SHISA5: variants seen among roughly 807,000 people sequenced by gnomAD.
SHISA5 encodes the protein protein shisa-5.
Under a neutral mutation model 27.5 loss-of-function variants are expected in SHISA5, and 21 were observed. The observed-to-expected ratio is 0.76, with a 90% CI of 0.54 to 1.10. The LOEUF (loss-of-function observed/expected upper bound fraction) is 1.10, where lower values mean the gene tolerates loss of function less well. SHISA5 is among the 50% of genes least tolerant of loss of function. SHISA5 has a pLI of 0.00. For missense variants in SHISA5, 314 were observed against 336.3 expected (o/e 0.93, Z 0.52); for synonymous variants, 137 against 142.2 (o/e 0.96, Z 0.26).
intron 2 of SHISA5, among the ~76,000 whole-genome samples, chr3:48,493,874 G>A (rs951815009): frequency 1.4e-5 from 2 of 147,230 alleles, no homozygotes; most frequent in Non-Finnish European, 2.9e-5. Flanking sequence ...TATTTATAGC[G>A]TACAAAAATG....
chr3:48,473,271 G>A lies in SHISA5; in HGVS notation c.315-3428C>T. ...GCCGGGGAGGAGGGGAAGCAGAGGT[G>A]CCCCATTTGCCTCCCAGAGCTGCCT... On this transcript the variant is annotated intron_variant, in intron 3 of 5. Transcript: ENST00000296444. The surrounding 1 kb of genome is among the most constrained non-coding windows in gnomAD (Gnocchi z 4.3). 7.1e-7 allele frequency: 1 copy of A among 1,405,182 alleles called. No homozygotes were observed. The highest frequency in any genetic ancestry group is 9.3e-7 in the Non-Finnish European group (1 of 1,079,622). The allele number at this position is 1,405,182 out of a possible 1,614,324, so 87.0% of individuals were successfully genotyped here.
intron 2 of SHISA5, among the ~76,000 whole-genome samples, chr3:48,484,989 T>A (rs2041150886): frequency 6.7e-6 from 1 of 149,822 alleles, no homozygotes. Context: ...AGCACAGGAG[T>A]CAAAACCAGA....
intron 2 of SHISA5, among the ~76,000 whole-genome samples, chr3:48,487,890 C>T (rs567603008): frequency 6.6e-6 from 1 of 152,144 alleles, no homozygotes; most frequent in Admixed American, 6.6e-5. Flanking sequence ...AGTGAGACTC[C>T]GTCTCAAAAA....
At chr3:48,476,416 G>A (rs563908657) in intron 3 of SHISA5, among the ~76,000 whole-genome samples, 1 of 152,088 alleles carries the variant, frequency 6.6e-6, no homozygotes, top group Non-Finnish European at 1.5e-5. Context: ...GAGAGGAGGA[G>A]GGGTCAGTGG....
In SHISA5 at chr3:48,495,023, C is replaced by A. The variant is rs1316021133; in HGVS notation, c.233+6114G>T. 4.8e-5 allele frequency among the ~76,000 whole-genome samples: 7 copies of A among 145,316 alleles called. 1 individual carries two copies. Among genetic ancestry groups the A allele is most frequent in the Non-Finnish European group, 8.9e-5 (6 of 67,424 alleles). On this transcript the variant is annotated intron_variant, in intron 2 of 5. Transcript: ENST00000296444. Reference sequence around the variant, plus strand: ...AGTCTTGCTATGTTGCCCAGGCTAGCCTCCAACTCCTGGGCTCAAGCGATC... The same window carrying A: ...AGTCTTGCTATGTTGCCCAGGCTAGACTCCAACTCCTGGGCTCAAGCGATC...
At chr3:48,490,223 G>A (rs981539636) in intron 2 of SHISA5, among the ~76,000 whole-genome samples, 9 of 152,164 alleles carry the variant, frequency 5.9e-5, no homozygotes, top group South Asian at 2.1e-4. Flanking sequence ...ACAGGCATGC[G>A]CCACCATACC....
Position 48,469,620 on chromosome 3 carries a change from T to C in SHISA5, c.431-47A>G, listed in dbSNP as rs776295881. Reference sequence around the variant, plus strand: ...GGACCCTCCTCCATCTCCCCAGGTCTTGAGAGCCAGGCTTGCCACCCATCC... The same window carrying C: ...GGACCCTCCTCCATCTCCCCAGGTCCTGAGAGCCAGGCTTGCCACCCATCC... On this transcript the variant is annotated intron_variant, in intron 4 of 5. Transcript: ENST00000296444. This position sits in a 1 kb window ranked among gnomAD's most constrained non-coding sequence, Gnocchi z 4.6. 4 of 1,593,752 alleles carry C rather than the reference T, an allele frequency of 2.5e-6. No homozygotes were observed. The South Asian group carries it at 3.4e-5, about 14-fold the overall frequency.
rs535516369 is a variant in SHISA5 at position 48,471,962 on chromosome 3, C to T, written c.315-2119G>A. On this transcript the variant is annotated intron_variant, in intron 3 of 5. Coordinates refer to ENST00000296444, the MANE Select transcript of SHISA5 (RefSeq NM_016479.6). ...CTTCTAGAGGCCGAAGTGGGCGGATCGCTTGAGGTCAGGAGTTCTAGACTA... is the reference window on the plus strand; with the variant it reads ...CTTCTAGAGGCCGAAGTGGGCGGATTGCTTGAGGTCAGGAGTTCTAGACTA... 4.1e-4 allele frequency among the ~76,000 whole-genome samples: 62 copies of T among 151,636 alleles called. No homozygotes were observed. The Middle Eastern group carries it at 0.01, about 25-fold the overall frequency.
At chr3:48,475,236 T>G (rs1440376046) in intron 3 of SHISA5, among the ~76,000 whole-genome samples, 2 of 151,998 alleles carry the variant, frequency 1.3e-5, no homozygotes, top group Non-Finnish European at 2.9e-5. Context: ...AAGGGGTGGT[T>G]GCAGAGCGGG....
chr3:48,495,528 T>C (rs2041515519), intron 2 of SHISA5, among the ~76,000 whole-genome samples: 1 of 146,456 alleles, frequency 6.8e-6, no homozygotes, highest in Non-Finnish European at 1.5e-5. Context: ...TTCCACTTTT[T>C]TCGGGGGCAG....
At chr3:48,476,592 G>A (rs2040834381) in intron 3 of SHISA5, among the ~76,000 whole-genome samples, 1 of 152,190 alleles carries the variant, frequency 6.6e-6, no homozygotes, top group African/African-American at 2.4e-5. Flanking sequence ...GGCAGCACAT[G>A]GATGCCCAGC....
At chr3:48,476,674 C>G (rs954893019) in intron 3 of SHISA5, 1 of 157,812 alleles carries the variant, frequency 6.3e-6, no homozygotes, top group African/African-American at 2.4e-5. Context: ...CATTGATGAC[C>G]CTGTCCCCCT....
At position 48,468,572 on chromosome 3, in the gene SHISA5, C is replaced by T; in HGVS notation, c.*535G>A. 1 of 1,189,628 alleles carries T rather than the reference C, an allele frequency of 8.4e-7. No homozygotes were observed. The highest frequency in any genetic ancestry group is 1.1e-6 in the Non-Finnish European group (1 of 942,582). The allele number at this position is 1,189,628 out of a possible 1,614,324, so 73.7% of individuals were successfully genotyped here. ...CCAAAGGATCAAAGTCCAACTTGGC[C>T]AGATCCCAAGCTTCGCCTGCATCAT... On this transcript the variant is annotated 3_prime_UTR_variant, in exon 6 of 6. Transcript: ENST00000296444.
At chr3:48,496,780 T>TA (rs796720740) in intron 2 of SHISA5, among the ~76,000 whole-genome samples, 137 of 141,064 alleles carry the variant, frequency 9.7e-4, no homozygotes, top group East Asian at 2.4e-3. Context: ...TATAATACCA[T>TA]AAAAAAAAAC....
At chr3:48,491,923 T>G (rs2041439588) in intron 2 of SHISA5, among the ~76,000 whole-genome samples, 1 of 151,984 alleles carries the variant, frequency 6.6e-6, no homozygotes, top group Non-Finnish European at 1.5e-5. Context: ...CACAAATGCA[T>G]TTCTGGCTTC....
chr3:48,476,792 G>A (rs1455555196), intron 3 of SHISA5: 9 of 225,998 alleles, frequency 4.0e-5, no homozygotes, highest in Non-Finnish European at 6.3e-5. Flanking sequence ...GACATGAGGC[G>A]CGGGAGGGGG....
chr3:48,502,256 C>T (rs2041779173), intron 1 of SHISA5: 5 of 392,264 alleles, frequency 1.3e-5, no homozygotes, highest in Non-Finnish European at 2.6e-5. Flanking sequence ...AGGGGCCTGG[C>T]TCTCACAGAC....
intron 3 of SHISA5, among the ~76,000 whole-genome samples, chr3:48,474,002 C>CAAA (rs71625877): frequency 1.3e-4 from 9 of 70,292 alleles, no homozygotes; most frequent in African/African-American, 3.7e-4. Context: ...GAATCTGTCT[C>CAAA]AAAAAAAAAA....
intron 2 of SHISA5, among the ~76,000 whole-genome samples, chr3:48,500,424 C>T (rs1346842004): frequency 1.3e-5 from 2 of 152,026 alleles, no homozygotes; most frequent in African/African-American, 4.8e-5. Flanking sequence ...GAGTATGAGA[C>T]CAGCCTGGGC....
Sources: gnomAD v4.1 joint callset for allele counts (sites outside exome capture counted in the v4.1 genomes callset) on GRCh38, gnomAD v4.1.1 for gene constraint, Gnocchi (gnomAD v3.1) non-coding constraint, MANE v1.5 for transcripts, NCBI Gene and HGNC (gene_info 2026-07-23, HGNC 2026-07-21) for gene names.